KCTD16: variants seen among roughly 807,000 people sequenced by gnomAD.
KCTD16 encodes the protein potassium channel tetramerization domain containing 16.
Under a neutral mutation model 33.2 loss-of-function variants are expected in KCTD16, and 13 were observed. The ratio of observed to expected loss-of-function variants is 0.39; its 90% CI spans 0.25 to 0.62. The LOEUF (loss-of-function observed/expected upper bound fraction) is 0.62. Among genes scored for constraint, KCTD16 ranks in the 20% least tolerant of loss-of-function variants. The pLI is 0.50. For synonymous variants in KCTD16, 197 were observed against 195.3 expected, an observed-to-expected ratio of 1.01 and a Z score of -0.07; for missense variants, 441 against 525.1, an observed-to-expected ratio of 0.84 and a Z score of 1.57.
chr5:144,413,069 T>C (rs1226716434), intron 3 of KCTD16, among the ~76,000 whole-genome samples: 1 of 152,230 alleles, frequency 6.6e-6, no homozygotes, highest in African/African-American at 2.4e-5. Context: ...TCTTTACAAA[T>C]GATATGAATA....
chr5:144,314,670 A>G (rs894876742), intron 3 of KCTD16, among the ~76,000 whole-genome samples: 15 of 152,188 alleles, frequency 9.9e-5, no homozygotes, highest in African/African-American at 3.6e-4. Flanking sequence ...TTCTTCTCTT[A>G]GTTATACTTC....
chr5:144,290,610 A>T (rs1361638698), intron 3 of KCTD16, among the ~76,000 whole-genome samples: 1 of 152,212 alleles, frequency 6.6e-6, no homozygotes, highest in African/African-American at 2.4e-5. Flanking sequence ...TATCAATAAG[A>T]TCTTTCCTTC....
At chr5:144,247,112 A>G (rs983842867) in intron 3 of KCTD16, among the ~76,000 whole-genome samples, 3 of 152,204 alleles carry the variant, frequency 2.0e-5, no homozygotes, top group South Asian at 4.1e-4. Flanking sequence ...GGTGGTTGCA[A>G]TAGCTCCCAT....
chr5:144,283,617 A>G (rs1426353659), intron 3 of KCTD16, among the ~76,000 whole-genome samples: 3 of 152,212 alleles, frequency 2.0e-5, no homozygotes, highest in East Asian at 3.8e-4. Context: ...TTTTCAGCCA[A>G]TTGTGCCTTT....
rs560496541 is a variant in KCTD16, at chr5:144,462,873, T to C, written c.833-10787T>C. On this transcript the variant is annotated intron_variant, in intron 3 of 3. Transcript: ENST00000512467. ...GTGTTAAGTGAATAAACCATGGAGA[T>C]AATAGTGGATTCCAACTTGAAGGGT... 2.5e-3 allele frequency among the ~76,000 whole-genome samples: 375 copies of C among 152,322 alleles called. 2 individuals are homozygous for C. Among genetic ancestry groups the C allele is most frequent in the African/African-American group, 8.6e-3 (358 of 41,560 alleles).
At chr5:144,313,527 A>C (rs1236457452) in intron 3 of KCTD16, among the ~76,000 whole-genome samples, 1 of 152,214 alleles carries the variant, frequency 6.6e-6, no homozygotes, top group African/African-American at 2.4e-5. Context: ...GAGTTTAGAA[A>C]GTGCAGCTAC....
At chr5:144,465,185 C>CCA (rs1754295753) in intron 3 of KCTD16, among the ~76,000 whole-genome samples, 1 of 100,528 alleles carries the variant, frequency 9.9e-6, no homozygotes, top group Non-Finnish European at 2.0e-5. Context: ...TCTCTCTCCC[C>CCA]CCCCTCTCTC....
At chr5:144,218,330 A>G (rs553666739) in intron 3 of KCTD16, among the ~76,000 whole-genome samples, 2 of 152,326 alleles carry the variant, frequency 1.3e-5, no homozygotes, top group Non-Finnish European at 2.9e-5. Flanking sequence ...CTGATTTAAT[A>G]TTAATACTTA....
At chr5:144,332,681 C>T (rs1752388718) in intron 3 of KCTD16, among the ~76,000 whole-genome samples, 1 of 152,038 alleles carries the variant, frequency 6.6e-6, no homozygotes, top group Admixed American at 6.6e-5. Flanking sequence ...AACCAATATG[C>T]CCATAAGGAG....
intron 3 of KCTD16, among the ~76,000 whole-genome samples, chr5:144,404,641 C>G (rs777436892): frequency 1.3e-5 from 2 of 152,040 alleles, no homozygotes; most frequent in African/African-American, 4.8e-5. Flanking sequence ...CAGGCAAAAC[C>G]AGTAGGTCTG....
intron 3 of KCTD16, among the ~76,000 whole-genome samples, chr5:144,332,362 A>T (rs1403487565): frequency 6.6e-6 from 1 of 152,084 alleles, no homozygotes; most frequent in Non-Finnish European, 1.5e-5. Context: ...TTGGAAGGGA[A>T]CAGGGCTGTA....
chr5:144,398,746 C>T (rs1187556720), intron 3 of KCTD16, among the ~76,000 whole-genome samples: 1 of 148,712 alleles, frequency 6.7e-6, no homozygotes, highest in African/African-American at 2.6e-5. Flanking sequence ...ATAAATGTAC[C>T]CCAAAGGAAG....
At chr5:144,429,239 A>G (rs1028675497) in intron 3 of KCTD16, among the ~76,000 whole-genome samples, 8 of 152,146 alleles carry the variant, frequency 5.3e-5, no homozygotes, top group Admixed American at 5.2e-4. Context: ...AGTATTTTTC[A>G]GTTGGAAGTG....
At chr5:144,204,453 C>A (rs1753114576) in intron 2 of KCTD16, among the ~76,000 whole-genome samples, 1 of 152,166 alleles carries the variant, frequency 6.6e-6, no homozygotes, top group Non-Finnish European at 1.5e-5. Context: ...TTAGGTTGCC[C>A]TGGAAATGCC....
intron 3 of KCTD16, among the ~76,000 whole-genome samples, chr5:144,456,095 G>A: frequency 6.6e-6 from 1 of 152,000 alleles, no homozygotes; most frequent in East Asian, 1.9e-4. Flanking sequence ...CAAATGATAG[G>A]AATGGGGTAT....
At chr5:144,408,836 C>T (rs7717356) in intron 3 of KCTD16, among the ~76,000 whole-genome samples, 4,517 of 152,264 alleles carry the variant, frequency 0.03, 230 homozygotes, top group African/African-American at 0.1. Flanking sequence ...ACCGTCTTTA[C>T]ATTTCATGTT....
At chr5:144,213,381 T>TTCTTTCTTTCTTTCTCTC (rs563982600) in intron 3 of KCTD16, among the ~76,000 whole-genome samples, 15 of 148,358 alleles carry the variant, frequency 1.0e-4, no homozygotes, top group Non-Finnish European at 1.8e-4. Flanking sequence ...TTCTTTCTCT[T>TTCTTTCTTTCTTTCTCTC]TCTTTCTTTC....
In KCTD16 at chr5:144,319,910, A is replaced by G. The variant is rs909951077; in HGVS notation, c.832+112364A>G. The stretch of plus-strand genomic sequence containing the variant: ...TGTTGATAATTGTATATATAAAGGT[A>G]TAAATATACTTATAAATATTATAAA... On this transcript the variant is annotated intron_variant, in intron 3 of 3. Coordinates refer to ENST00000512467, the MANE Select transcript of KCTD16 (RefSeq NM_020768.4). Among the ~76,000 whole-genome samples, 5 of 152,234 alleles carry G rather than the reference A, an allele frequency of 3.3e-5. No homozygotes were observed. In the Middle Eastern group the frequency reaches 0.01, roughly 313 times the overall value.
intron 3 of KCTD16, among the ~76,000 whole-genome samples, chr5:144,261,149 G>C (rs1265233590): frequency 8.1e-6 from 1 of 122,714 alleles, no homozygotes; most frequent in Non-Finnish European, 1.6e-5. Flanking sequence ...CTGTATTTCA[G>C]CTCTTTGGGA....
Sources: gnomAD v4.1 joint callset for allele counts (sites outside exome capture counted in the v4.1 genomes callset) on GRCh38, gnomAD v4.1.1 for gene constraint, MANE v1.5 for transcripts, NCBI Gene and HGNC (gene_info 2026-07-23, HGNC 2026-07-21) for gene names.